The following RYR3 variants were observed in gnomAD, a reference collection of about 807,000 sequenced individuals.
The protein encoded by RYR3 is ryanodine receptor 3.
Under a neutral mutation model 584.3 loss-of-function variants are expected in RYR3, and 207 were observed. The observed-to-expected ratio is 0.35, with a 90% CI of 0.32 to 0.40. The LOEUF (loss-of-function observed/expected upper bound fraction) is 0.40, where lower values mean the gene tolerates loss of function less well. Ranked by LOEUF, RYR3 falls within the 10% of genes least tolerant of loss-of-function variation. The probability of loss-of-function intolerance (pLI) is 1.00; values close to 1 mark genes in which losing one functional copy is unlikely to be tolerated. For synonymous variants in RYR3, 2,416 were observed against 2,248.5 expected (o/e 1.07, Z -2.11); for missense variants, 5,616 against 6,089.2 (o/e 0.92, Z 2.59).
chr15:33,574,846 G>C (rs1290772687), intron 12 of RYR3, among the ~76,000 whole-genome samples: 1 of 152,176 alleles, frequency 6.6e-6, no homozygotes. Flanking sequence ...AGCTGGGTCA[G>C]TAGTCAAGAC....
At chr15:33,444,785 G>A (rs560785835) in intron 1 of RYR3, among the ~76,000 whole-genome samples, 70 of 152,226 alleles carry the variant, frequency 4.6e-4, no homozygotes, top group Admixed American at 9.8e-4. Context: ...GGCTTGCCAC[G>A]TTCAAGGAGC....
rs139141302 is a variant in RYR3, at chr15:33,812,389, A to C, written c.10258-474A>C. Among the ~76,000 whole-genome samples, 48 of 152,316 alleles carry C rather than the reference A, an allele frequency of 3.2e-4. 1 individual carries two copies. Among genetic ancestry groups the C allele is most frequent in the African/African-American group, 1.1e-3 (47 of 41,570 alleles). On this transcript the variant is annotated intron_variant, in intron 72 of 103. Coordinates refer to ENST00000634891, the MANE Select transcript of RYR3 (RefSeq NM_001036.6). ...TTGAAAGAGATGTAAATGTAAATAA[A>C]ATTAAAACATTTAAAGAGATATAAA...
chr15:33,591,290 G>A (rs535599579), intron 16 of RYR3, among the ~76,000 whole-genome samples: 1 of 152,290 alleles, frequency 6.6e-6, no homozygotes, highest in Non-Finnish European at 1.5e-5. Context: ...TTTGTTCTCT[G>A]CTGTAATAAT....
chr15:33,533,183 T>C (rs1218112904), intron 4 of RYR3, 128 bp from the exon 5 acceptor site: 2 of 617,354 alleles, frequency 3.2e-6, no homozygotes, highest in Non-Finnish European at 5.8e-6. Flanking sequence ...AACTTTCCAA[T>C]GAACAAGATA....
chr15:33,549,451 G>T (rs2056507183), intron 9 of RYR3, among the ~76,000 whole-genome samples: 2 of 152,142 alleles, frequency 1.3e-5, no homozygotes, highest in African/African-American at 4.8e-5. Flanking sequence ...TAAGTATTTT[G>T]CATATGAGCA....
intron 1 of RYR3, among the ~76,000 whole-genome samples, chr15:33,348,537 A>G (rs564344309): frequency 3.2e-4 from 48 of 152,126 alleles, no homozygotes; most frequent in Non-Finnish European, 2.6e-4. Context: ...GTGCAATGGC[A>G]TGATCTTGGC....
At chr15:33,342,721 A>G (rs755304612) in intron 1 of RYR3, among the ~76,000 whole-genome samples, 3 of 152,226 alleles carry the variant, frequency 2.0e-5, no homozygotes, top group Admixed American at 6.5e-5. Context: ...TCAAAATGGC[A>G]TGAGTTCTGG....
intron 7 of RYR3, among the ~76,000 whole-genome samples, chr15:33,541,951 C>A (rs939746206): frequency 4.6e-5 from 7 of 152,108 alleles, no homozygotes; most frequent in Non-Finnish European, 1.0e-4. Flanking sequence ...TTGGCTCAAT[C>A]TTCTCCATGT....
chr15:33,572,456 C>T (rs781674800), intron 12 of RYR3, among the ~76,000 whole-genome samples: 1 of 151,094 alleles, frequency 6.6e-6, no homozygotes, highest in Non-Finnish European at 1.5e-5. Flanking sequence ...TCTGCTTGTG[C>T]GGGAATGAAT....
At chr15:33,521,677 C>T (rs570847605) in intron 3 of RYR3, among the ~76,000 whole-genome samples, 3 of 152,250 alleles carry the variant, frequency 2.0e-5, no homozygotes, top group Middle Eastern at 3.4e-3. Flanking sequence ...GAAGGCAGTA[C>T]TGTGGGTGTC....
intron 32 of RYR3, among the ~76,000 whole-genome samples, chr15:33,654,382 G>C (rs2062697123): frequency 6.6e-6 from 1 of 152,004 alleles, no homozygotes; most frequent in Non-Finnish European, 1.5e-5. Context: ...GGGTGTGGTG[G>C]CATACACTTG....
intron 11 of RYR3, among the ~76,000 whole-genome samples, chr15:33,564,944 G>T (rs559083772): frequency 7.2e-4 from 110 of 152,180 alleles, no homozygotes; most frequent in Non-Finnish European, 1.2e-3. Context: ...GTCTAAATCT[G>T]TTATGTTTTA....
chr15:33,708,550 C>A (rs536181317), intron 43 of RYR3, among the ~76,000 whole-genome samples: 5 of 152,116 alleles, frequency 3.3e-5, no homozygotes, highest in East Asian at 1.9e-4. Context: ...TATTTTATAT[C>A]TTTTCAATAT....
intron 1 of RYR3, among the ~76,000 whole-genome samples, chr15:33,465,295 A>G (rs2048393227): frequency 1.3e-5 from 2 of 152,172 alleles, no homozygotes; most frequent in Non-Finnish European, 2.9e-5. Flanking sequence ...ATAGATATCT[A>G]TATCTATATT....
intron 70 of RYR3, among the ~76,000 whole-genome samples, chr15:33,809,753 A>T (rs2076417357): frequency 6.6e-6 from 1 of 151,736 alleles, no homozygotes; most frequent in African/African-American, 2.4e-5. Flanking sequence ...GTCCTGCCTC[A>T]GCCTCCCAAG....
chr15:33,573,372 G>A (rs1345781483), intron 12 of RYR3, among the ~76,000 whole-genome samples: 1 of 152,182 alleles, frequency 6.6e-6, no homozygotes, highest in Non-Finnish European at 1.5e-5. Flanking sequence ...GAAACCAGGA[G>A]GAGGGGTGGC....
chr15:33,796,595 A>G (rs769743459), intron 67 of RYR3, among the ~76,000 whole-genome samples: 20 of 152,282 alleles, frequency 1.3e-4, no homozygotes, highest in Non-Finnish European at 2.2e-4. Context: ...TAAGGGTTAC[A>G]AGTACAGTTT....
intron 28 of RYR3, among the ~76,000 whole-genome samples, chr15:33,645,300 T>G (rs886132973): frequency 6.6e-5 from 10 of 152,074 alleles, no homozygotes; most frequent in Non-Finnish European, 1.2e-4. Context: ...CAGACTATGG[T>G]TTTTCCATGG....
chr15:33,554,192 C>T (rs948490379), intron 10 of RYR3, among the ~76,000 whole-genome samples: 7 of 151,998 alleles, frequency 4.6e-5, no homozygotes, highest in Admixed American at 1.3e-4. Context: ...CATCCCAGAA[C>T]GTCTTGTAGT....
Sources: gnomAD v4.1 joint callset for allele counts (sites outside exome capture counted in the v4.1 genomes callset) on GRCh38, gnomAD v4.1.1 for gene constraint, MANE v1.5 for transcripts, NCBI Gene and HGNC (gene_info 2026-07-23, HGNC 2026-07-21) for gene names.